The following ABI1 variants were observed in gnomAD, a reference collection of about 807,000 sequenced individuals.
ABI1 encodes Abelson interactor 1.
In ABI1, 14 loss-of-function variants were observed where a neutral mutation model predicts 54.6. The observed-to-expected ratio is 0.26, with a 90% CI of 0.17 to 0.40. The LOEUF is 0.40. ABI1 is among the 10% of genes least tolerant of loss of function. The pLI, the probability that ABI1 is intolerant of heterozygous loss-of-function variation, is 1.00. For missense variants in ABI1, 443 were observed against 598.3 expected, an observed-to-expected ratio of 0.74 and a Z score of 2.71; for synonymous variants, 194 against 209.3, an observed-to-expected ratio of 0.93 and a Z score of 0.63.
intron 2 of ABI1, among the ~76,000 whole-genome samples, chr10:26,821,049 C>A (rs963795540): frequency 7.3e-5 from 11 of 151,514 alleles, no homozygotes; most frequent in Non-Finnish European, 1.3e-4. Context: ...TTGAGACCAG[C>A]CTGGCCAACA....
Position 26,750,500 on chromosome 10 carries a change from T to TA in ABI1, c.1270+1097dup, listed in dbSNP as rs1324073233. Among the ~76,000 whole-genome samples, 14 of 151,954 alleles carry TA rather than the reference T, an allele frequency of 9.2e-5. No homozygotes were observed. In the East Asian group the frequency reaches 2.7e-3, roughly 29 times the overall value. On this transcript the variant is annotated intron_variant, in intron 10 of 10. Coordinates refer to ENST00000376140, the MANE Select transcript of ABI1 (RefSeq NM_001012750.3). Reference sequence around the variant, plus strand: ...CAGAGCAAGACTCCATCTCAAAAAATAAAAAAATATAAAAGGAAAACAAAT... The same window carrying TA: ...CAGAGCAAGACTCCATCTCAAAAAATAAAAAAAATATAAAAGGAAAACAAAT...
intron 2 of ABI1, among the ~76,000 whole-genome samples, chr10:26,778,852 A>G (rs1841756382): frequency 6.6e-6 from 1 of 152,154 alleles, no homozygotes; most frequent in Non-Finnish European, 1.5e-5. Flanking sequence ...GCCCATTATA[A>G]AAGATGTGGT....
At chr10:26,765,709 G>A (rs1327386299) in intron 6 of ABI1, among the ~76,000 whole-genome samples, 2 of 150,666 alleles carry the variant, frequency 1.3e-5, no homozygotes, top group African/African-American at 4.9e-5. Context: ...AGGGAAAGTG[G>A]TAGGCAATGG....
chr10:26,768,660 T>TA (rs1022362465), intron 6 of ABI1, among the ~76,000 whole-genome samples, 192 bp downstream of exon 6: 8 of 152,108 alleles, frequency 5.3e-5, no homozygotes, highest in South Asian at 4.2e-4. Context: ...TTTAAAAAGT[T>TA]AAAAAAACAA....
intron 1 of ABI1, among the ~76,000 whole-genome samples, chr10:26,835,994 C>T (rs1188033059): frequency 6.6e-6 from 1 of 152,060 alleles, no homozygotes; most frequent in Non-Finnish European, 1.5e-5. Context: ...CTCAAAGAAT[C>T]CTCCTGCCTC....
At chr10:26,756,309 T>C (rs1455481996) in intron 8 of ABI1, among the ~76,000 whole-genome samples, 1 of 152,106 alleles carries the variant, frequency 6.6e-6, no homozygotes, top group Non-Finnish European at 1.5e-5. Context: ...CACACACAGC[T>C]CTCCAGGAAA....
At chr10:26,845,587 G>C (rs1318645382) in intron 1 of ABI1, among the ~76,000 whole-genome samples, 8 of 152,220 alleles carry the variant, frequency 5.3e-5, no homozygotes, top group African/African-American at 1.4e-4. Flanking sequence ...AGGTTGCAGT[G>C]AACCAAGATC....
At chr10:26,818,849 G>T (rs1249436393) in intron 2 of ABI1, among the ~76,000 whole-genome samples, 2 of 152,106 alleles carry the variant, frequency 1.3e-5, no homozygotes, top group Non-Finnish European at 2.9e-5. Context: ...AATTAGCCGG[G>T]CATGGTGGCG....
chr10:26,815,238 A>G (rs1271379509), intron 2 of ABI1, among the ~76,000 whole-genome samples: 2 of 152,190 alleles, frequency 1.3e-5, no homozygotes, highest in African/African-American at 4.8e-5. Context: ...AATTTAGCCA[A>G]TTAGATTTCA....
intron 2 of ABI1, among the ~76,000 whole-genome samples, chr10:26,798,476 C>T (rs1278732924): frequency 6.6e-6 from 1 of 151,872 alleles, no homozygotes; most frequent in African/African-American, 2.4e-5. Flanking sequence ...CCTCTAGAAG[C>T]TGAAAAAAGG....
At chr10:26,844,606 A>G (rs2049833525) in intron 1 of ABI1, among the ~76,000 whole-genome samples, 1 of 152,212 alleles carries the variant, frequency 6.6e-6, no homozygotes, top group African/African-American at 2.4e-5. Context: ...CTGCTCTGCC[A>G]ATCAATTCAA....
intron 1 of ABI1, among the ~76,000 whole-genome samples, chr10:26,840,413 T>C (rs1462110773): frequency 1.3e-5 from 2 of 152,166 alleles, no homozygotes; most frequent in South Asian, 2.1e-4. Context: ...ACAAGTCAAA[T>C]AAATTACCCA....
intron 2 of ABI1, among the ~76,000 whole-genome samples, chr10:26,796,425 A>G (rs1254400968): frequency 6.6e-6 from 1 of 152,214 alleles, no homozygotes; most frequent in Non-Finnish European, 1.5e-5. Context: ...CTGTGTTCCA[A>G]TTGCCTACAG....
intron 4 of ABI1, chr10:26,770,632 A>G: frequency 8.2e-6 from 5 of 608,852 alleles, no homozygotes; most frequent in South Asian, 7.5e-5. Context: ...ACTTATCTGC[A>G]TTCAAACACT....
At chr10:26,856,921 A>T (rs928431055) in intron 1 of ABI1, among the ~76,000 whole-genome samples, 5 of 152,196 alleles carry the variant, frequency 3.3e-5, no homozygotes, top group African/African-American at 1.2e-4. Context: ...CTGGCTAAAC[A>T]TGTGTGTTCA....
At chr10:26,773,040 T>A (rs915749204) in intron 3 of ABI1, among the ~76,000 whole-genome samples, 7 of 152,228 alleles carry the variant, frequency 4.6e-5, no homozygotes, top group African/African-American at 1.7e-4. Flanking sequence ...TGCACTTCAG[T>A]GAGACCCTGT....
At chr10:26,827,056 G>A (rs2048346084) in intron 1 of ABI1, among the ~76,000 whole-genome samples, 3 of 151,816 alleles carry the variant, frequency 2.0e-5, no homozygotes, top group African/African-American at 7.3e-5. Flanking sequence ...TGGGACTACA[G>A]GCACGAGCCA....
At chr10:26,779,277 T>C (rs568280932) in intron 2 of ABI1, among the ~76,000 whole-genome samples, 48 of 152,320 alleles carry the variant, frequency 3.2e-4, no homozygotes, top group African/African-American at 1.2e-3. Flanking sequence ...GATCCTCCAC[T>C]TTAGTGCCTG....
chr10:26,763,794 A>G, intron 7 of ABI1: 1 of 1,223,480 alleles, frequency 8.2e-7, no homozygotes, highest in South Asian at 1.2e-5. Flanking sequence ...TAATAACTAT[A>G]AAAGCCAGCA....
Sources: gnomAD v4.1 joint callset for allele counts (sites outside exome capture counted in the v4.1 genomes callset) on GRCh38, gnomAD v4.1.1 for gene constraint, MANE v1.5 for transcripts, NCBI Gene and HGNC (gene_info 2026-07-23, HGNC 2026-07-21) for gene names.